KCNA7: variants seen among roughly 807,000 people sequenced by gnomAD.
The protein encoded by KCNA7 is potassium voltage-gated channel subfamily A member 7.
KCNA7 carries 15 observed loss-of-function variants against 21.5 expected under a neutral mutation model. The ratio of observed to expected loss-of-function variants is 0.70; its 90% confidence interval spans 0.47 to 1.07. KCNA7 has a LOEUF of 1.07. Ranked by LOEUF, KCNA7 falls within the 50% of genes least tolerant of loss-of-function variation. KCNA7 has a pLI of 0.00. For missense variants in KCNA7, 640 were observed against 651.6 expected (o/e 0.98, Z 0.19); for synonymous variants, 298 against 291.0 (o/e 1.02, Z -0.24).
Position 49,072,436 on chromosome 19 carries a change from G to T in KCNA7, c.150C>A (p.Asp50Glu). The T allele has an allele frequency of 6.3e-7, 1 of 1,575,430 alleles. No homozygotes were observed. The highest frequency in any genetic ancestry group is 8.6e-7 in the Non-Finnish European group (1 of 1,169,504). The change falls in exon 1 of 2, where the codon GAC becomes GAA. Residue 50 changes from aspartate (D) to glutamate (E), a missense_variant. By Grantham distance (45) the Asp-to-Glu change is conservative. Transcript: ENST00000221444. ...CGAAGAAATACTCGCGGCGCGCGTCGTCGTAGAAGCGGCCGCGGCGCGCTG... is the reference window on the plus strand; with the variant it reads ...CGAAGAAATACTCGCGGCGCGCGTCTTCGTAGAAGCGGCCGCGGCGCGCTG... The part of the protein sequence containing the change: ...GDPARRGRFY[D>E]DARREYFFDR...
intron 1 of KCNA7, among the ~76,000 whole-genome samples, chr19:49,071,419 G>A (rs772222972): frequency 1.4e-4 from 21 of 152,070 alleles, no homozygotes; most frequent in Admixed American, 5.9e-4. Flanking sequence ...AGCCGGGCGT[G>A]GTGGCCTGCA....
intron 1 of KCNA7, 47 bp downstream of exon 1, chr19:49,071,984 A>C (rs115128299): frequency 1.6e-6 from 2 of 1,247,258 alleles, no homozygotes; most frequent in Non-Finnish European, 2.1e-6. Context: ...GACCCCGCCC[A>C]TCTCCTCCCA....
chr19:49,072,434 T>C lies in KCNA7; in HGVS notation c.152A>G (p.Asp51Gly). The C allele has an allele frequency of 6.3e-7, 1 of 1,576,402 alleles. No homozygotes were observed. The highest frequency in any genetic ancestry group is 8.5e-7 in the Non-Finnish European group (1 of 1,169,936). The change falls in exon 1 of 2, where the codon GAC becomes GGC. Residue 51 changes from aspartate to glycine, a missense_variant. Coordinates refer to ENST00000221444, the MANE Select transcript of KCNA7 (RefSeq NM_031886.3). ...GTCGAAGAAATACTCGCGGCGCGCG[T>C]CGTCGTAGAAGCGGCCGCGGCGCGC... ...DPARRGRFYDDARREYFFDRH... is the reference protein window; with the variant it reads ...DPARRGRFYDGARREYFFDRH...
rs1406787703 is a variant in KCNA7, at chr19:49,067,713, C to G, written c.*2350G>C. The G allele has an allele frequency of 6.6e-6, 1 of 152,148 alleles. No individual in the cohort carries two copies. The highest frequency in any genetic ancestry group is 1.5e-5 in the Non-Finnish European group (1 of 68,042). 9.4% of individuals were successfully genotyped at this position (152,148 alleles called of 1,614,324 possible). On this transcript the variant is annotated 3_prime_UTR_variant, in exon 2 of 2. Coordinates refer to ENST00000221444, the MANE Select transcript of KCNA7 (RefSeq NM_031886.3). ...AGCTGTGAGACCTTGGGAAGCCACT[C>G]CCCTGCTCTGAGACTCAGGTTTCTC...
Position 49,072,066 on chromosome 19 carries a change from C to G in KCNA7, c.520G>C (p.Gly174Arg), listed in dbSNP as rs950997183. ...TLPDFRDDRD[G>R]TGLAAAAAAG... ...GCGGCTGCAGCAGCAAGCCCCGTGC[C>G]GTCGCGGTCGTCGCGGAAGTCAGGC... Residue 174 changes from glycine (G) to arginine (R), a missense_variant, in exon 1 of 2, where the codon GGC becomes CGC. Physicochemically the swap from Gly to Arg is moderately radical, Grantham distance 125 (BLOSUM62 -2). Transcript: ENST00000221444. 1.9e-6 allele frequency: 3 copies of G among 1,609,216 alleles called. No individual in the cohort carries two copies. The East Asian group carries it at 6.7e-5, about 36-fold the overall frequency.
chr19:49,071,686 G>A (rs1347828543), intron 1 of KCNA7, among the ~76,000 whole-genome samples: 1 of 152,088 alleles, frequency 6.6e-6, no homozygotes, highest in Non-Finnish European at 1.5e-5. Context: ...CCCTCAGCTG[G>A]AGTTATTCAG....
In KCNA7 at chr19:49,072,598, C is replaced by T; in HGVS notation, c.-13G>A. 1 of 1,217,960 alleles carries T rather than the reference C, an allele frequency of 8.2e-7. No homozygotes were observed. Among genetic ancestry groups the T allele is most frequent in the Non-Finnish European group, 1.0e-6 (1 of 982,058 alleles). The allele number at this position is 1,217,960 out of a possible 1,614,324, so 75.4% of individuals were successfully genotyped here. On this transcript the variant is annotated 5_prime_UTR_variant, in exon 1 of 2. Transcript: ENST00000221444. The stretch of plus-strand genomic sequence containing the variant: ...ACCGCGGCTCCATGGCGCGCGCAGC[C>T]CCGGCGACCCGCGAACCGACGTGTG...
At position 49,070,292 on chromosome 19, in the gene KCNA7, G is replaced by A. The variant is rs767077866; in HGVS notation, c.1142C>T (p.Ala381Val). ...GKIVGSLCAIAGVLTISLPVP... is the reference protein window; with the variant it reads ...GKIVGSLCAIVGVLTISLPVP... ...TGGCAGGGAAATAGTCAGCACGCCC[G>A]CAATGGCACACAGAGAGCCCACTAT... Residue 381 changes from alanine to valine, a missense_variant, in exon 2 of 2, where the codon GCG (alanine) becomes GTG (valine). Ala to Val is a moderately conservative substitution (Grantham distance 64, BLOSUM62 0). Transcript: ENST00000221444. This position sits in a 1 kb window ranked among gnomAD's most constrained non-coding sequence, Gnocchi z 4.3. 2.0e-5 allele frequency: 33 copies of A among 1,614,070 alleles called. No individual in the cohort carries two copies. The Admixed American group carries it at 3.0e-4, about 15-fold the overall frequency.
Position 49,070,324 on chromosome 19 carries a change from AC to A in KCNA7, c.1109del (p.Gly370ValfsTer4). The A allele has an allele frequency of 1.2e-6, 2 of 1,614,114 alleles. No individual in the cohort carries two copies. The highest frequency in any genetic ancestry group is 1.7e-6 in the Non-Finnish European group (2 of 1,180,024). On this transcript the variant is annotated frameshift_variant, in exon 2 of 2. Transcript: ENST00000221444. LOFTEE classifies it high-confidence loss of function. This position sits in a 1 kb window ranked among gnomAD's most constrained non-coding sequence, Gnocchi z 4.3. ...GYGDMAPVTV[G>X]GKIVGSLCAI... is the part of the protein sequence containing the mutation. Reference sequence around the variant, plus strand: ...CACACAGAGAGCCCACTATCTTGCCACCCACAGTGACGGGTGCCATGTCTCC... The same window carrying A: ...CACACAGAGAGCCCACTATCTTGCCACCACAGTGACGGGTGCCATGTCTCC...
chr19:49,069,933 G>A lies in KCNA7; in HGVS notation c.*130C>T. ...AACCCAAGACCCAACAAGACTCAGT[G>A]TTTCCCCACTCGTTACGACTTAACC... On this transcript the variant is annotated 3_prime_UTR_variant, in exon 2 of 2. Coordinates refer to ENST00000221444, the MANE Select transcript of KCNA7 (RefSeq NM_031886.3). 1.4e-6 allele frequency: 1 copy of A among 696,830 alleles called. No homozygotes were observed. The highest frequency in any genetic ancestry group is 1.9e-5 in the South Asian group (1 of 53,810). 43.2% of individuals were successfully genotyped at this position (696,830 alleles called of 1,614,324 possible).
rs1211591431 is a variant in KCNA7 at position 49,072,038 on chromosome 19, G to A, written c.548C>T (p.Ala183Val). 5 of 1,599,184 alleles carry A rather than the reference G, an allele frequency of 3.1e-6. No individual in the cohort carries two copies. The highest frequency in any genetic ancestry group is 1.7e-5 in the Admixed American group (1 of 58,890). ...CCACGCCCCGCCTCTCACCGGGCCGGCTGCGGCTGCAGCAGCAAGCCCCGT... is the reference window on the plus strand; with the variant it reads ...CCACGCCCCGCCTCTCACCGGGCCGACTGCGGCTGCAGCAGCAAGCCCCGT... ...DGTGLAAAAA[A>V]GPFPAPLNGS... is the part of the protein sequence containing the mutation. Residue 183 changes from alanine to valine, a missense_variant, in exon 1 of 2, where the codon GCC (alanine) becomes GTC (valine). Coordinates refer to ENST00000221444, the MANE Select transcript of KCNA7 (RefSeq NM_031886.3).
In KCNA7 at chr19:49,067,881, T is replaced by A; in HGVS notation, c.*2182A>T. On this transcript the variant is annotated 3_prime_UTR_variant, in exon 2 of 2. Transcript: ENST00000221444. ...CACTCTTGGGTTCAGGGGCACCAAC[T>A]TTTTCTGGCTTTTTCTTTTCTTTTC... 7.3e-6 allele frequency: 1 copy of A among 137,106 alleles called. No homozygotes were observed. Among genetic ancestry groups the A allele is most frequent in the Non-Finnish European group, 1.6e-5 (1 of 63,334 alleles). 8.5% of individuals were successfully genotyped at this position (137,106 alleles called of 1,614,324 possible).
Position 49,072,377 on chromosome 19 carries a change from T to C in KCNA7, c.209A>G (p.Tyr70Cys). 6.3e-7 allele frequency: 1 copy of C among 1,592,658 alleles called. No homozygotes were observed. Among genetic ancestry groups the C allele is most frequent in the South Asian group, 1.1e-5 (1 of 89,494 alleles). The change falls in exon 1 of 2, where the codon TAC becomes TGC. Residue 70 changes from tyrosine (Y) to cysteine (C), a missense_variant. Transcript: ENST00000221444. ...CAGCCGCCCACCGGACTGGTAGTAG[T>C]AGAGCACGGCGTCGAAGCTGGGCCG... ...RHRPSFDAVL[Y>C]YYQSGGRLRR...
chr19:49,069,903 C>T lies in KCNA7; in HGVS notation c.*160G>A. The T allele has an allele frequency of 1.6e-6, 1 of 615,808 alleles. No homozygotes were observed. Among genetic ancestry groups the T allele is most frequent in the Non-Finnish European group, 2.8e-6 (1 of 353,288 alleles). The allele number at this position is 615,808 out of a possible 1,614,324, so 38.1% of individuals were successfully genotyped here. A position where few individuals can be genotyped will look rare whatever the true frequency, so the allele number is the denominator to read the frequency against. On this transcript the variant is annotated 3_prime_UTR_variant, in exon 2 of 2. Transcript: ENST00000221444. Reference sequence around the variant, plus strand: ...GAGGTACCCACAGGAGCTACCAAACCACACAACCCAAGACCCAACAAGACT... The same window carrying T: ...GAGGTACCCACAGGAGCTACCAAACTACACAACCCAAGACCCAACAAGACT...
chr19:49,072,103 G>A lies in KCNA7; in HGVS notation c.483C>T (p.Cys161=), dbSNP rs1395429691. ...LVILVSIVVF[C]LETLPDFRDD... ...CGCGGAAGTCAGGCAGCGTCTCGAG[G>A]CAGAAGACGACGATGGAGACGAGGA... Residue 161 remains cysteine (C), a synonymous_variant, in exon 1 of 2, where the codon TGC becomes TGT. Coordinates refer to ENST00000221444, the MANE Select transcript of KCNA7 (RefSeq NM_031886.3). 2 of 1,612,236 alleles carry A rather than the reference G, an allele frequency of 1.2e-6. No individual in the cohort carries two copies. The highest frequency in any genetic ancestry group is 1.7e-6 in the Non-Finnish European group (2 of 1,179,624).
rs2040243802 is a variant in KCNA7, at chr19:49,069,885, C to A, written c.*178G>T. ...CATTCGCTGCTGCTTCAGGAGGTAC[C>A]CACAGGAGCTACCAAACCACACAAC... On this transcript the variant is annotated 3_prime_UTR_variant, in exon 2 of 2. Coordinates refer to ENST00000221444, the MANE Select transcript of KCNA7 (RefSeq NM_031886.3). 1.7e-6 allele frequency: 1 copy of A among 593,072 alleles called. No individual in the cohort carries two copies. Among genetic ancestry groups the A allele is most frequent in the East Asian group, 2.8e-5 (1 of 35,926 alleles). The allele number at this position is 593,072 out of a possible 1,614,324, so 36.7% of individuals were successfully genotyped here.
intron 1 of KCNA7, among the ~76,000 whole-genome samples, chr19:49,071,240 C>T (rs2040255650): frequency 6.6e-6 from 1 of 152,064 alleles, no homozygotes; most frequent in African/African-American, 2.4e-5. Flanking sequence ...CCTAGCTTTT[C>T]CTTGCCCTCC....
In KCNA7 at chr19:49,072,313, T is replaced by C. The variant is rs769560901; in HGVS notation, c.273A>G (p.Glu91=). The C allele has an allele frequency of 1.3e-6, 2 of 1,589,074 alleles. No individual in the cohort carries two copies. Among genetic ancestry groups the C allele is most frequent in the South Asian group, 2.3e-5 (2 of 88,700 alleles). Residue 91 remains glutamate (E), a synonymous_variant, in exon 1 of 2, where the codon GAA becomes GAG. Transcript: ENST00000221444. ...PAHVPLDVFL[E]EVAFYGLGAA... ...CGCCCAGCCCGTAGAAGGCCACCTC[T>C]TCCAGGAAGACGTCGAGCGGCACGT... is the stretch of plus-strand genomic sequence containing the variant.
At position 49,072,111 on chromosome 19, in the gene KCNA7, C is replaced by T; in HGVS notation, c.475G>A (p.Val159Ile). ...TCAGGCAGCGTCTCGAGGCAGAAGA[C>T]GACGATGGAGACGAGGATGACCAGC... is the stretch of plus-strand genomic sequence containing the variant. ...SVLVILVSIVVFCLETLPDFR... is the reference protein window; with the variant it reads ...SVLVILVSIVIFCLETLPDFR... The change falls in exon 1 of 2, where the codon GTC (valine) becomes ATC (isoleucine). Residue 159 changes from valine (V) to isoleucine (I), a missense_variant. Physicochemically the swap from Val to Ile is conservative, Grantham distance 29. Transcript: ENST00000221444. 6.2e-7 allele frequency: 1 copy of T among 1,612,338 alleles called. No individual in the cohort carries two copies. The highest frequency in any genetic ancestry group is 2.2e-5 in the East Asian group (1 of 44,850).
Sources: allele counts gnomAD v4.1 joint callset (sites outside exome capture counted in the v4.1 genomes callset), GRCh38; gene constraint gnomAD v4.1.1; non-coding constraint Gnocchi (gnomAD v3.1); transcripts MANE v1.5; gene names NCBI Gene and HGNC (gene_info 2026-07-23, HGNC 2026-07-21).